ZNF14: variants seen among roughly 807,000 people sequenced by gnomAD.
The protein encoded by ZNF14 is gonadotropin inducible transcription repressor-4.
A neutral mutation model predicts 11.3 loss-of-function variants in ZNF14; 9 were observed. That is an observed-to-expected ratio of 0.80 (90% confidence interval 0.48 to 1.39). ZNF14 has a LOEUF of 1.39. ZNF14 is among the 40% of genes most tolerant of loss of function. ZNF14 has a pLI of 0.00. For synonymous variants in ZNF14, 239 were observed against 245.7 expected, an observed-to-expected ratio of 0.97 and a Z score of 0.25; for missense variants, 711 against 763.9, an observed-to-expected ratio of 0.93 and a Z score of 0.82.
intron 1 of ZNF14, among the ~76,000 whole-genome samples, chr19:19,717,257 A>G (rs965394127): frequency 8.5e-5 from 13 of 152,122 alleles, no homozygotes; most frequent in African/African-American, 3.1e-4. Flanking sequence ...GGAGAGTGAT[A>G]TACTTAGCAT....
At chr19:19,713,187 A>G in intron 3 of ZNF14, 98 bp from the exon 4 acceptor site, 3 of 1,118,364 alleles carry the variant, frequency 2.7e-6, no homozygotes, top group Middle Eastern at 2.9e-4. Flanking sequence ...CAGAAAAAGT[A>G]TAGGATATCT....
chr19:19,730,168 T>G (rs1237560686), intron 1 of ZNF14, among the ~76,000 whole-genome samples: 1 of 152,106 alleles, frequency 6.6e-6, no homozygotes, highest in African/African-American at 2.4e-5. Context: ...AGATTACAGG[T>G]GTGTGCCACC....
chr19:19,717,353 T>G (rs2062380766), intron 1 of ZNF14, among the ~76,000 whole-genome samples: 1 of 152,230 alleles, frequency 6.6e-6, no homozygotes, highest in Non-Finnish European at 1.5e-5. Flanking sequence ...GTGGGATGTT[T>G]CCATGCATTC....
At chr19:19,715,730 GCAGT>G (rs1160355533) in intron 1 of ZNF14, among the ~76,000 whole-genome samples, 1 of 152,184 alleles carries the variant, frequency 6.6e-6, no homozygotes, top group Non-Finnish European at 1.5e-5. Context: ...AGAAAAATAG[GCAGT>G]CAATTTTTAA....
chr19:19,729,319 CTTT>C (rs10717958), intron 1 of ZNF14, among the ~76,000 whole-genome samples: 11 of 137,756 alleles, frequency 8.0e-5, no homozygotes, highest in Middle Eastern at 3.4e-3. Context: ...ACACACACAA[CTTT>C]TTTTTTTTTT....
intron 1 of ZNF14, among the ~76,000 whole-genome samples, chr19:19,725,802 C>T (rs568263332): frequency 7.5e-6 from 1 of 133,364 alleles, no homozygotes; most frequent in Non-Finnish European, 1.7e-5. Context: ...CTCTAAAGTT[C>T]TCTTCTCACT....
chr19:19,721,010 C>T (rs1264167635), intron 1 of ZNF14, among the ~76,000 whole-genome samples: 5 of 152,104 alleles, frequency 3.3e-5, no homozygotes, highest in African/African-American at 9.7e-5. Flanking sequence ...CAGGTTGGAG[C>T]GCAGTGGCGC....
chr19:19,714,899 G>A (rs187440347), intron 1 of ZNF14, among the ~76,000 whole-genome samples: 1 of 151,604 alleles, frequency 6.6e-6, no homozygotes, highest in African/African-American at 2.4e-5. Context: ...TAGTAGAGAC[G>A]GGGTTTCACC....
chr19:19,713,748 C>CTTTTTTTTTTTT (rs71172526), intron 3 of ZNF14, among the ~76,000 whole-genome samples: 3,767 of 119,338 alleles, frequency 0.032, 260 homozygotes, highest in African/African-American at 0.044. Context: ...TGTGCCAGGC[C>CTTTTTTTTTTTT]TTTTTTTTTT....
chr19:19,719,409 A>G (rs980916042), intron 1 of ZNF14, among the ~76,000 whole-genome samples: 1 of 152,246 alleles, frequency 6.6e-6, no homozygotes, highest in Non-Finnish European at 1.5e-5. Flanking sequence ...CAGCTTATGG[A>G]TAAATGATAC....
Position 19,731,801 on chromosome 19 carries a change from C to T in ZNF14, c.3+1155G>A, listed in dbSNP as rs999740005. ...CTTACCACTTAGCCGGGCGCGGTGG[C>T]TCACGCCTGTAATCCCAGCACTTTG... On this transcript the variant is annotated intron_variant, in intron 1 of 3. Transcript: ENST00000344099. Among the ~76,000 whole-genome samples the T allele has an allele frequency of 4.6e-5, 7 of 152,186 alleles. No individual in the cohort carries two copies. In the South Asian group the frequency reaches 6.2e-4, roughly 13 times the overall value.
Position 19,733,088 on chromosome 19 carries a change from GGCCAGGAATGGC to G in ZNF14, c.-142_-131del. ...GCAGGTGAAACGCAATCTTCCCATG[GGCCAGGAATGGC>G]GACGTCCGCACTGCGCAGGCCCAGC... On this transcript the variant is annotated 5_prime_UTR_variant, in exon 1 of 4. Transcript: ENST00000344099. 1 of 1,180,382 alleles carries G rather than the reference GGCCAGGAATGGC, an allele frequency of 8.5e-7. No individual in the cohort carries two copies. Among genetic ancestry groups the G allele is most frequent in the Non-Finnish European group, 1.2e-6 (1 of 832,942 alleles). The allele number at this position is 1,180,382 out of a possible 1,614,324, so 73.1% of individuals were successfully genotyped here.
intron 1 of ZNF14, among the ~76,000 whole-genome samples, chr19:19,714,741 T>C (rs548001826): frequency 7.8e-6 from 1 of 128,380 alleles, no homozygotes; most frequent in South Asian, 2.6e-4. Flanking sequence ...AGACAGAGTC[T>C]TGCTTTATTG....
chr19:19,729,035 G>A (rs1408543229), intron 1 of ZNF14, among the ~76,000 whole-genome samples: 1 of 152,160 alleles, frequency 6.6e-6, no homozygotes, highest in Non-Finnish European at 1.5e-5. Context: ...GGAGTACAGT[G>A]GCGTGATCTC....
chr19:19,732,447 C>T (rs8110982), intron 1 of ZNF14, among the ~76,000 whole-genome samples: 9,253 of 152,162 alleles, frequency 0.061, 357 homozygotes, highest in Middle Eastern at 0.12. Flanking sequence ...TCAAAAACAC[C>T]CCCAGACTTG....
At chr19:19,716,546 C>G (rs1053330827) in intron 1 of ZNF14, among the ~76,000 whole-genome samples, 1 of 152,104 alleles carries the variant, frequency 6.6e-6, no homozygotes, top group African/African-American at 2.4e-5. Context: ...GCCTCCGCCT[C>G]CCAAAGTGCT....
At chr19:19,729,841 G>C (rs1432070252) in intron 1 of ZNF14, among the ~76,000 whole-genome samples, 1 of 152,048 alleles carries the variant, frequency 6.6e-6, no homozygotes, top group East Asian at 1.9e-4. Flanking sequence ...TCATCCTACA[G>C]GTGAAAAACC....
chr19:19,712,683 T>G lies in ZNF14; in HGVS notation c.598A>C (p.Lys200Gln). Residue 200 changes from lysine to glutamine, a missense_variant, in exon 4 of 4, where the codon AAG becomes CAG. Transcript: ENST00000344099. ...TATATAAAGGTTTTTCCACATTGCT[T>G]ACATTCATAGGGTTTCTGTCCAGCA... ...THAGQKPYEC[K>Q]QCGKTFIYYQ... The G allele has an allele frequency of 6.2e-7, 1 of 1,613,946 alleles. No homozygotes were observed. Among genetic ancestry groups the G allele is most frequent in the South Asian group, 1.1e-5 (1 of 91,004 alleles).
rs2062429208 is a variant in ZNF14 at position 19,733,112 on chromosome 19, T to C, written c.-154A>G. ...GGGCCAGGAATGGCGACGTCCGCAC[T>C]GCGCAGGCCCAGCGTGGCGCCGCTC... On this transcript the variant is annotated 5_prime_UTR_variant, in exon 1 of 4. Coordinates refer to ENST00000344099, the MANE Select transcript of ZNF14 (RefSeq NM_021030.3). 2.2e-6 allele frequency: 2 copies of C among 893,794 alleles called. No homozygotes were observed. The highest frequency in any genetic ancestry group is 3.4e-6 in the Non-Finnish European group (2 of 586,524). 55.4% of individuals were successfully genotyped at this position (893,794 alleles called of 1,614,324 possible). A position where few individuals can be genotyped will look rare whatever the true frequency, so the allele number is the denominator to read the frequency against.
Sources: allele counts gnomAD v4.1 joint callset (sites outside exome capture counted in the v4.1 genomes callset), GRCh38; gene constraint gnomAD v4.1.1; transcripts MANE v1.5; gene names NCBI Gene and HGNC (gene_info 2026-07-23, HGNC 2026-07-21).